Variants in MEIG1 observed in about 807,000 individuals in gnomAD.
MEIG1 encodes the protein meiosis expressed gene 1 protein homolog.
A neutral mutation model predicts 11.3 loss-of-function variants in MEIG1; 12 were observed. That is an observed-to-expected ratio of 1.07 (90% CI 0.68 to 1.73). MEIG1 has a LOEUF of 1.73. Ranked by LOEUF, MEIG1 falls within the 40% of genes most tolerant of loss-of-function variation. The pLI, the probability that MEIG1 is intolerant of heterozygous loss-of-function variation, is 0.00. For missense variants in MEIG1, 119 were observed against 104.9 expected, an observed-to-expected ratio of 1.13 and a Z score of -0.59; for synonymous variants, 41 against 33.2, an observed-to-expected ratio of 1.24 and a Z score of -0.81.
chr10:14,956,501 G>T (rs954710638), upstream of MEIG1, among the ~76,000 whole-genome samples: 1 of 152,148 alleles, frequency 6.6e-6, no homozygotes, highest in East Asian at 1.9e-4. Flanking sequence ...AGAATTGCTT[G>T]TACCCAGGAT....
downstream of MEIG1, among the ~76,000 whole-genome samples, chr10:14,973,184 G>T (rs966320967): frequency 6.6e-6 from 1 of 152,002 alleles, no homozygotes; most frequent in African/African-American, 2.4e-5. Context: ...TAATAACTGT[G>T]GTGTGATCAC....
chr10:14,984,085 T>C (rs1843291660), intron 1 of MEIG1, among the ~76,000 whole-genome samples: 1 of 151,992 alleles, frequency 6.6e-6, no homozygotes, highest in South Asian at 2.1e-4. Context: ...GTGTATGATA[T>C]AGTTGGTAAT....
intron 1 of MEIG1, among the ~76,000 whole-genome samples, chr10:14,962,549 G>T (rs894703436): frequency 1.3e-5 from 2 of 152,070 alleles, no homozygotes; most frequent in Non-Finnish European, 2.9e-5. Flanking sequence ...ATGTATAGTT[G>T]CCATAATTTT....
At chr10:14,983,804 G>T (rs569900908) in intron 1 of MEIG1, among the ~76,000 whole-genome samples, 1 of 152,110 alleles carries the variant, frequency 6.6e-6, no homozygotes, top group Middle Eastern at 3.4e-3. Context: ...ATATTCCAAG[G>T]GGGAGAGGTT....
At chr10:14,964,785 A>ATT (rs55924755) in intron 1 of MEIG1, among the ~76,000 whole-genome samples, 150 of 144,336 alleles carry the variant, frequency 1.0e-3, no homozygotes, top group East Asian at 2.6e-3. Flanking sequence ...CGCCCAGTTC[A>ATT]TTTTTTTTTT....
At chr10:14,970,702 T>C (rs959989199) in intron 2 of MEIG1, among the ~76,000 whole-genome samples, 3 of 152,192 alleles carry the variant, frequency 2.0e-5, no homozygotes, top group Non-Finnish European at 2.9e-5. Context: ...AAAATGAAGA[T>C]GTGTTATTAG....
intron 2 of MEIG1, among the ~76,000 whole-genome samples, chr10:14,967,619 G>T (rs376351067): frequency 1.3e-4 from 20 of 151,568 alleles, no homozygotes; most frequent in Non-Finnish European, 1.5e-5. Flanking sequence ...ATTCTTAAGA[G>T]ACGTGTTTTT....
chr10:14,968,906 C>T (rs1226078073), intron 2 of MEIG1, among the ~76,000 whole-genome samples: 1 of 151,968 alleles, frequency 6.6e-6, no homozygotes, highest in African/African-American at 2.4e-5. Flanking sequence ...TGGAGAAACC[C>T]TATCTCTGCT....
chr10:14,974,685 T>C (rs1465328261), downstream of MEIG1, among the ~76,000 whole-genome samples: 1 of 152,076 alleles, frequency 6.6e-6, no homozygotes, highest in African/African-American at 2.4e-5. Context: ...GCGATAATAA[T>C]GATAATTCAC....
chr10:14,954,305 G>C, the MEIG1 span: 35 of 512,542 alleles, frequency 6.8e-5, no homozygotes, highest in Non-Finnish European at 1.2e-4. Context: ...TGTTGCTCTG[G>C]TAAGGCGTTG....
chr10:14,982,611 A>G (rs557683926), intron 1 of MEIG1, among the ~76,000 whole-genome samples: 3 of 152,198 alleles, frequency 2.0e-5, no homozygotes, highest in Middle Eastern at 3.4e-3. Context: ...CCACCACGTG[A>G]CCATCCTCCT....
At chr10:14,954,960 C>G (rs1156833147), upstream of MEIG1, among the ~76,000 whole-genome samples, 1 of 152,182 alleles carries the variant, frequency 6.6e-6, no homozygotes, top group Non-Finnish European at 1.5e-5. Context: ...CAGTTGGGGT[C>G]TAGTTCTATC....
downstream of MEIG1, among the ~76,000 whole-genome samples, chr10:14,973,770 A>G (rs1408648926): frequency 2.0e-4 from 5 of 24,676 alleles, no homozygotes; most frequent in Non-Finnish European, 4.8e-4. Context: ...ACTCCATCTC[A>G]AAAAAAAAAA....
intron 1 of MEIG1, among the ~76,000 whole-genome samples, chr10:14,981,168 C>A (rs368004067): frequency 0.12 from 18,161 of 146,752 alleles, 2,021 homozygotes; most frequent in African/African-American, 0.3. Context: ...CTTAACTGGC[C>A]AACTCTGGAG....
At chr10:14,959,129 C>G (rs1418708052), upstream of MEIG1, among the ~76,000 whole-genome samples, 2 of 152,200 alleles carry the variant, frequency 1.3e-5, no homozygotes, top group Non-Finnish European at 2.9e-5. Flanking sequence ...CAAACACAGT[C>G]TCCGTGCTGT....
intron 1 of MEIG1, among the ~76,000 whole-genome samples, chr10:14,984,599 A>G (rs1387410489): frequency 6.6e-6 from 1 of 151,998 alleles, no homozygotes; most frequent in Non-Finnish European, 1.5e-5. Flanking sequence ...AATATCCTAG[A>G]GGGATGTCAC....
At chr10:14,964,785 A>T (rs200578933) in intron 1 of MEIG1, among the ~76,000 whole-genome samples, 3 of 144,334 alleles carry the variant, frequency 2.1e-5, no homozygotes, top group Non-Finnish European at 3.0e-5. Flanking sequence ...CGCCCAGTTC[A>T]TTTTTTTTTT....
At chr10:14,965,600 G>A (rs1461555300) in intron 1 of MEIG1, among the ~76,000 whole-genome samples, 10 of 151,702 alleles carry the variant, frequency 6.6e-5, no homozygotes, top group African/African-American at 2.2e-4. Flanking sequence ...ATTAAGAAGT[G>A]AAAAAGAATA....
chr10:14,971,664 C>T (rs1280412541), intron 2 of MEIG1, among the ~76,000 whole-genome samples: 2 of 152,192 alleles, frequency 1.3e-5, no homozygotes, highest in South Asian at 2.1e-4. Flanking sequence ...AATCAGCAGG[C>T]AGCACTTACA....
Sources: gnomAD v4.1 joint callset for allele counts (sites outside exome capture counted in the v4.1 genomes callset) on GRCh38, gnomAD v4.1.1 for gene constraint, MANE v1.5 for transcripts, NCBI Gene and HGNC (gene_info 2026-07-23, HGNC 2026-07-21) for gene names.